TTC7B: variants seen among roughly 807,000 people sequenced by gnomAD.
The protein encoded by TTC7B is tetratricopeptide repeat domain 7B.
TTC7B carries 28 observed loss-of-function variants against 106.8 expected under a neutral mutation model. That is an observed-to-expected ratio of 0.26 (90% CI 0.19 to 0.36). The LOEUF is 0.36. Among genes scored for constraint, TTC7B ranks in the 10% least tolerant of loss-of-function variants. The probability of loss-of-function intolerance (pLI) is 1.00; values close to 1 mark genes in which losing one functional copy is unlikely to be tolerated. For synonymous variants in TTC7B, 405 were observed against 430.6 expected (o/e 0.94, Z 0.74); for missense variants, 862 against 1,076.4 (o/e 0.80, Z 2.79).
intron 1 of TTC7B, among the ~76,000 whole-genome samples, chr14:90,787,039 G>A (rs1203732154): frequency 6.6e-6 from 1 of 152,172 alleles, no homozygotes; most frequent in African/African-American, 2.4e-5. Context: ...CTCTGGTGCT[G>A]TATTCTATGC....
intron 19 of TTC7B, among the ~76,000 whole-genome samples, chr14:90,553,050 G>A (rs990530566): frequency 2.6e-5 from 4 of 152,222 alleles, no homozygotes; most frequent in Non-Finnish European, 4.4e-5. Context: ...TGGTCTAGGC[G>A]CAGGCCAGAT....
intron 19 of TTC7B, among the ~76,000 whole-genome samples, chr14:90,552,247 C>T (rs1466382808): frequency 2.0e-5 from 3 of 152,208 alleles, no homozygotes; most frequent in African/African-American, 4.8e-5. Flanking sequence ...AGCCCCTCAC[C>T]GGGCCAGTCA....
At chr14:90,748,590 G>A (rs1201149366) in intron 3 of TTC7B, among the ~76,000 whole-genome samples, 2 of 152,028 alleles carry the variant, frequency 1.3e-5, no homozygotes, top group African/African-American at 2.4e-5. Context: ...GCCTCCCAAA[G>A]TGCTGGGATT....
chr14:90,732,721 C>T (rs115857388), intron 4 of TTC7B, among the ~76,000 whole-genome samples: 12,101 of 152,102 alleles, frequency 0.08, 500 homozygotes, highest in East Asian at 0.16. Context: ...TGAGCCACTG[C>T]GCCCGGCTCC....
chr14:90,755,496 A>C (rs1020545023), intron 3 of TTC7B, among the ~76,000 whole-genome samples: 1 of 152,040 alleles, frequency 6.6e-6, no homozygotes, highest in Admixed American at 6.5e-5. Flanking sequence ...AGAAATAATA[A>C]TTTTTTGTTT....
At chr14:90,550,549 C>G (rs2139771558) in intron 19 of TTC7B, among the ~76,000 whole-genome samples, 1 of 152,314 alleles carries the variant, frequency 6.6e-6, no homozygotes, top group Non-Finnish European at 1.5e-5. Flanking sequence ...ATTTCCCAGC[C>G]AGTCAAGATG....
chr14:90,644,152 G>A lies in TTC7B; in HGVS notation c.1647C>T (p.Ala549=). The A allele has an allele frequency of 6.2e-7, 1 of 1,613,702 alleles. No homozygotes were observed. The highest frequency in any genetic ancestry group is 8.5e-7 in the Non-Finnish European group (1 of 1,179,880). ...GGAGGGCAAGGAGGTGCAGGGAGTTGGCATCGTCACCTTGAAGCTGAAGAG... is the reference window on the plus strand; with the variant it reads ...GGAGGGCAAGGAGGTGCAGGGAGTTAGCATCGTCACCTTGAAGCTGAAGAG... ...RQALQLQGDD[A]NSLHLLALLL... The change falls in exon 15 of 20, where the codon GCC becomes GCT. Residue 549 remains alanine, a synonymous_variant. Coordinates refer to ENST00000328459, the MANE Select transcript of TTC7B (RefSeq NM_001010854.2).
rs1414912909 is a variant in TTC7B, at chr14:90,742,894, G to A, written c.576+1898C>T. Among the ~76,000 whole-genome samples the A allele has an allele frequency of 1.3e-5, 2 of 152,186 alleles. No individual in the cohort carries two copies. The highest frequency in any genetic ancestry group is 1.3e-4 in the Admixed American group (2 of 15,290). ...CCTTTCTCCCAGCCGGGAGAAGACG[G>A]CTCCAAAGTGACAGGGCTGGACAAC... On this transcript the variant is annotated intron_variant, in intron 4 of 19. Transcript: ENST00000328459. The surrounding 1 kb of genome is among the most constrained non-coding windows in gnomAD (Gnocchi z 4.1).
chr14:90,713,245 A>G (rs1162258541), intron 5 of TTC7B, among the ~76,000 whole-genome samples: 2 of 152,094 alleles, frequency 1.3e-5, no homozygotes, highest in Admixed American at 1.3e-4. Context: ...CCTCCCAAGT[A>G]GCTGAGACTA....
At position 90,696,806 on chromosome 14, in the gene TTC7B, C is replaced by T. The variant is rs940098410; in HGVS notation, c.699-1228G>A. Among the ~76,000 whole-genome samples, 5 of 152,174 alleles carry T rather than the reference C, an allele frequency of 3.3e-5. No homozygotes were observed. The East Asian group carries it at 9.6e-4, about 29-fold the overall frequency. On this transcript the variant is annotated intron_variant, in intron 5 of 19. Transcript: ENST00000328459. The stretch of plus-strand genomic sequence containing the variant: ...TGGTGGCATAAAAAGAGAAGCTGTG[C>T]TCAGGATGCCAAGCAGCACTAAAGG...
chr14:90,623,822 AC>A lies in TTC7B; in HGVS notation c.1752-5778del, dbSNP rs201814169. Among the ~76,000 whole-genome samples, 455 of 152,328 alleles carry A rather than the reference AC, an allele frequency of 3.0e-3. 4 individuals are homozygous for A. The highest frequency in any genetic ancestry group is 9.5e-3 in the African/African-American group (393 of 41,570). On this transcript the variant is annotated intron_variant, in intron 15 of 19. Coordinates refer to ENST00000328459, the MANE Select transcript of TTC7B (RefSeq NM_001010854.2). ...GATCACTTGAGGTCAGGTGTTTGAG[AC>A]CATCCTGACCAACATGGTGAAACCC... is the stretch of plus-strand genomic sequence containing the variant.
chr14:90,593,759 A>G, intron 17 of TTC7B, 133 bp from the exon 18 acceptor site: 1 of 936,130 alleles, frequency 1.1e-6, no homozygotes, highest in Non-Finnish European at 1.5e-6. Context: ...TACTGTCCAC[A>G]GAGAAACGCG....
intron 13 of TTC7B, chr14:90,647,229 G>C: frequency 1.9e-6 from 1 of 540,118 alleles, no homozygotes; most frequent in Non-Finnish European, 3.3e-6. Context: ...TACAGAATAG[G>C]AGTGCATTTC....
rs1016924392 is a variant in TTC7B, at chr14:90,570,081, T to C, written c.2310+8025A>G. 1.3e-5 allele frequency: 2 copies of C among 152,232 alleles called. No individual in the cohort carries two copies. The allele number at this position is 152,232 out of a possible 1,614,324, so 9.4% of individuals were successfully genotyped here. On this transcript the variant is annotated intron_variant, in intron 19 of 19. Transcript: ENST00000328459. This position sits in a 1 kb window ranked among gnomAD's most constrained non-coding sequence, Gnocchi z 4.0. ...CAGGCTCTCCTCCAGCCTTTTCCCATGTTCAGGCCCGGAGTCAACACTGCA... is the reference window on the plus strand; with the variant it reads ...CAGGCTCTCCTCCAGCCTTTTCCCACGTTCAGGCCCGGAGTCAACACTGCA...
chr14:90,697,470 A>T (rs2139949577), intron 5 of TTC7B: 1 of 152,258 alleles, frequency 6.6e-6, no homozygotes, highest in East Asian at 1.9e-4. Context: ...CAGAAGTGTA[A>T]CTCTAGAGGA....
intron 1 of TTC7B, among the ~76,000 whole-genome samples, chr14:90,794,713 G>A (rs1245891708): frequency 2.0e-5 from 3 of 152,082 alleles, no homozygotes; most frequent in Admixed American, 1.3e-4. Context: ...AACAATTTCC[G>A]AAATTTTTCA....
intron 15 of TTC7B, among the ~76,000 whole-genome samples, chr14:90,628,198 G>A (rs1281500333): frequency 3.3e-5 from 5 of 152,192 alleles, no homozygotes; most frequent in South Asian, 2.1e-4. Context: ...AAGTACATAC[G>A]TGAACAGGAC....
intron 18 of TTC7B, among the ~76,000 whole-genome samples, chr14:90,590,838 T>A (rs1254688433): frequency 6.6e-6 from 1 of 152,218 alleles, no homozygotes; most frequent in Non-Finnish European, 1.5e-5. Context: ...TTGACTTCAT[T>A]CATTCGTCCT....
chr14:90,730,242 C>G (rs771956562), intron 4 of TTC7B, 46 bp from the exon 5 acceptor site: 1 of 1,572,858 alleles, frequency 6.4e-7, no homozygotes, highest in Non-Finnish European at 8.6e-7. Context: ...CACATCCAAG[C>G]CTACTTCCTT....
Sources: gnomAD v4.1 joint callset for allele counts (sites outside exome capture counted in the v4.1 genomes callset) on GRCh38, gnomAD v4.1.1 for gene constraint, Gnocchi (gnomAD v3.1) non-coding constraint, MANE v1.5 for transcripts, NCBI Gene and HGNC (gene_info 2026-07-23, HGNC 2026-07-21) for gene names.